Variants in ZUP1 observed in about 807,000 individuals in gnomAD.
ZUP1 encodes zinc finger containing ubiquitin peptidase 1.
A neutral mutation model predicts 68.1 loss-of-function variants in ZUP1; 55 were observed. The ratio of observed to expected loss-of-function variants is 0.81; its 90% confidence interval spans 0.65 to 1.01. ZUP1 has a LOEUF of 1.01. Among genes scored for constraint, ZUP1 ranks in the 50% least tolerant of loss-of-function variants. ZUP1 has a pLI of 0.00. For missense variants in ZUP1, 684 were observed against 674.9 expected (o/e 1.01, Z -0.15); for synonymous variants, 223 against 221.5 (o/e 1.01, Z -0.06).
chr6:116,663,534 A>C (rs1411931805), intron 2 of ZUP1, among the ~76,000 whole-genome samples: 1 of 152,188 alleles, frequency 6.6e-6, no homozygotes, highest in East Asian at 1.9e-4. Context: ...ATTGTCAGGC[A>C]TTTTTCAATA....
In ZUP1 at chr6:116,652,084, C is replaced by G. The variant is rs145316791; in HGVS notation, c.1070G>C (p.Gly357Ala). The change falls in exon 6 of 10, where the codon GGT (glycine) becomes GCT (alanine). Residue 357 changes from glycine (G) to alanine (A), a missense_variant. By Grantham distance (60) the Gly-to-Ala change is moderately conservative. Coordinates refer to ENST00000368576, the MANE Select transcript of ZUP1 (RefSeq NM_145062.3). ...GAAATTTCTGTAACCACAACCCCAA[C>G]CTTTGTCGCCTAAAGATGAATGAAA... is the stretch of plus-strand genomic sequence containing the variant. The part of the protein sequence containing the change: ...DHFHSSLGDK[G>A]WGCGYRNFQM... 2.5e-6 allele frequency: 4 copies of G among 1,613,992 alleles called. No homozygotes were observed. Among genetic ancestry groups the G allele is most frequent in the Admixed American group, 3.3e-5 (2 of 60,008 alleles).
chr6:116,663,740 A>G (rs1008870991), intron 2 of ZUP1, among the ~76,000 whole-genome samples: 1 of 152,098 alleles, frequency 6.6e-6, no homozygotes, highest in East Asian at 1.9e-4. Context: ...CAGGAGTTCA[A>G]GACCAGCCTG....
rs1413328504 is a variant in ZUP1, at chr6:116,651,424, T to C, written c.1316+148A>G. Reference sequence around the variant, plus strand: ...CTTGAGGGTAGAGAAGAGCACAAGATAGTGAATAGGCTGCTGATTTTCATT... The same window carrying C: ...CTTGAGGGTAGAGAAGAGCACAAGACAGTGAATAGGCTGCTGATTTTCATT... On this transcript the variant is annotated intron_variant, in intron 7 of 9. Coordinates refer to ENST00000368576, the MANE Select transcript of ZUP1 (RefSeq NM_145062.3). 4.0e-5 allele frequency: 24 copies of C among 595,934 alleles called. No homozygotes were observed. In the South Asian group the frequency reaches 4.5e-4, roughly 11 times the overall value. The allele number at this position is 595,934 out of a possible 1,614,324, so 36.9% of individuals were successfully genotyped here. A position where few individuals can be genotyped will look rare whatever the true frequency, so the allele number is the denominator to read the frequency against.
chr6:116,665,861 G>A (rs1414340215), intron 2 of ZUP1, among the ~76,000 whole-genome samples: 5 of 151,354 alleles, frequency 3.3e-5, no homozygotes, highest in Admixed American at 6.6e-5. Flanking sequence ...AACTTGCTGG[G>A]ATTACAGGCA....
At chr6:116,654,703 A>G (rs1776612847) in intron 5 of ZUP1, among the ~76,000 whole-genome samples, 1 of 152,040 alleles carries the variant, frequency 6.6e-6, no homozygotes, top group African/African-American at 2.4e-5. Flanking sequence ...CTGAATACTT[A>G]ACAGTCTCCT....
At chr6:116,652,279 C>T in intron 5 of ZUP1, 87 bp from the exon 6 acceptor site, 1 of 991,878 alleles carries the variant, frequency 1.0e-6, no homozygotes, top group Non-Finnish European at 1.5e-6. Flanking sequence ...CTCCTTCACG[C>T]ACCATACCTA....
At chr6:116,646,061 T>C (rs878870553) in intron 8 of ZUP1, 127 bp from the exon 9 acceptor site, 100 of 595,790 alleles carry the variant, frequency 1.7e-4, no homozygotes, top group South Asian at 1.3e-3. Context: ...CTGACACATA[T>C]GTATCTAAGT....
At position 116,656,148 on chromosome 6, in the gene ZUP1, C is replaced by T. The variant is rs531627723; in HGVS notation, c.961+536G>A. On this transcript the variant is annotated intron_variant, in intron 5 of 9. Coordinates refer to ENST00000368576, the MANE Select transcript of ZUP1 (RefSeq NM_145062.3). ...AGGCTGGAGTGCAATGGCGCAATCTCGGCTCACCGCAACCTCCGCCTCCCG... is the reference window on the plus strand; with the variant it reads ...AGGCTGGAGTGCAATGGCGCAATCTTGGCTCACCGCAACCTCCGCCTCCCG... Among the ~76,000 whole-genome samples the T allele has an allele frequency of 2.6e-4, 40 of 151,732 alleles. 1 individual carries two copies. In the South Asian group the frequency reaches 8.3e-3, roughly 32 times the overall value.
intron 7 of ZUP1, among the ~76,000 whole-genome samples, chr6:116,650,403 C>T: frequency 9.5e-6 from 1 of 105,620 alleles, no homozygotes; most frequent in South Asian, 3.2e-4. Flanking sequence ...GCCTGGGCAA[C>T]ACAGCAAAAA....
At chr6:116,640,711 C>T (rs1460865131) in intron 9 of ZUP1, among the ~76,000 whole-genome samples, 1 of 151,970 alleles carries the variant, frequency 6.6e-6, no homozygotes, top group East Asian at 1.9e-4. Context: ...AAAGGCACAA[C>T]CGGTACCAGC....
chr6:116,635,886 A>G lies in ZUP1; in HGVS notation c.1690-7T>C. 1.9e-6 allele frequency: 3 copies of G among 1,576,770 alleles called. No homozygotes were observed. Among genetic ancestry groups the G allele is most frequent in the Non-Finnish European group, 8.6e-7 (1 of 1,163,270 alleles). On this transcript the variant is annotated splice_region_variant and splice_polypyrimidine_tract_variant and intron_variant, in intron 9 of 9. Coordinates refer to ENST00000368576, the MANE Select transcript of ZUP1 (RefSeq NM_145062.3). The stretch of plus-strand genomic sequence containing the variant: ...GAGAAGCTTGTCTCCTGGCCTTGAA[A>G]AGAAATTTTAAAAAACAATTTTAAG...
chr6:116,659,750 G>A (rs558351976), intron 3 of ZUP1, among the ~76,000 whole-genome samples: 4 of 152,028 alleles, frequency 2.6e-5, no homozygotes, highest in South Asian at 2.1e-4. Flanking sequence ...TTCTCTACTC[G>A]GTGTCCCCCA....
In ZUP1 at chr6:116,667,080, C is replaced by T. The variant is rs754433067; in HGVS notation, c.113G>A (p.Gly38Asp). ...AAAACACATTTCATCATAATTCACA[C>T]CTGACAACTTGCAAAATGGACATAT... Reference protein sequence around the residue: ...EIICPFCKLSGVNYDEMCFHI... With the variant: ...EIICPFCKLSDVNYDEMCFHI... Residue 38 changes from glycine to aspartate, a missense_variant, in exon 2 of 10, where the codon GGT (glycine) becomes GAT (aspartate). By Grantham distance (94) the Gly-to-Asp change is moderately conservative. Transcript: ENST00000368576. The T allele has an allele frequency of 6.2e-7, 1 of 1,613,706 alleles. No homozygotes were observed. The highest frequency in any genetic ancestry group is 8.5e-7 in the Non-Finnish European group (1 of 1,179,828).
chr6:116,647,354 G>T, intron 8 of ZUP1, 105 bp downstream of exon 8: 2 of 1,057,212 alleles, frequency 1.9e-6, no homozygotes, highest in Non-Finnish European at 2.6e-6. Flanking sequence ...GTGAGATTCT[G>T]TCTAAAAAAA....
At chr6:116,648,290 G>C (rs1776377416) in intron 7 of ZUP1, among the ~76,000 whole-genome samples, 1 of 152,056 alleles carries the variant, frequency 6.6e-6, no homozygotes, top group Non-Finnish European at 1.5e-5. Flanking sequence ...TAAAAGGTCG[G>C]GTATAACTAA....
Position 116,651,985 on chromosome 6 carries a change from A to G in ZUP1, c.1150+19T>C, listed in dbSNP as rs750811857. On this transcript the variant is annotated intron_variant, in intron 6 of 9. Transcript: ENST00000368576. ...GTATTTTATCAGATGACAAGTTCAGAGTACTAGATTTCACATACCTTTTAA... is the reference window on the plus strand; with the variant it reads ...GTATTTTATCAGATGACAAGTTCAGGGTACTAGATTTCACATACCTTTTAA... 3.7e-6 allele frequency: 6 copies of G among 1,610,560 alleles called. No individual in the cohort carries two copies. The highest frequency in any genetic ancestry group is 3.3e-5 in the Admixed American group (2 of 59,842).
Position 116,667,014 on chromosome 6 carries a change from C to T in ZUP1, c.179G>A (p.Arg60Lys). Reference sequence around the variant, plus strand: ...TACTGTATTTATCCTCTCAAAGTTTCTTTCAAGTGTATTCTGCTCAAAATG... The same window carrying T: ...TACTGTATTTATCCTCTCAAAGTTTTTTTCAAGTGTATTCTGCTCAAAATG... ...TAHFEQNTLE[R>K]NFERINTVQY... The change falls in exon 2 of 10, where the codon AGA becomes AAA. Residue 60 changes from arginine to lysine, a missense_variant. Physicochemically the swap from Arg to Lys is conservative, Grantham distance 26. Coordinates refer to ENST00000368576, the MANE Select transcript of ZUP1 (RefSeq NM_145062.3). 6.2e-7 allele frequency: 1 copy of T among 1,613,590 alleles called. No individual in the cohort carries two copies. Among genetic ancestry groups the T allele is most frequent in the Non-Finnish European group, 8.5e-7 (1 of 1,179,768 alleles).
At chr6:116,659,630 A>AT (rs57544784) in intron 3 of ZUP1, among the ~76,000 whole-genome samples, 18,173 of 151,642 alleles carry the variant, frequency 0.12, 1,870 homozygotes, top group African/African-American at 0.27. Flanking sequence ...AAAAAAAAAA[A>AT]AATAAAGAGC....
At chr6:116,649,885 T>C (rs1776426798) in intron 7 of ZUP1, among the ~76,000 whole-genome samples, 2 of 151,782 alleles carry the variant, frequency 1.3e-5, no homozygotes, top group Middle Eastern at 3.2e-3. Context: ...GCCTTCAAAA[T>C]AGAAAAGACT....
Sources: allele counts gnomAD v4.1 joint callset (sites outside exome capture counted in the v4.1 genomes callset), GRCh38; gene constraint gnomAD v4.1.1; transcripts MANE v1.5; gene names NCBI Gene and HGNC (gene_info 2026-07-23, HGNC 2026-07-21).